GNAS: variants seen among roughly 807,000 people sequenced by gnomAD.
GNAS encodes the protein GNAS complex locus.
In GNAS, 8 loss-of-function variants were observed where a neutral mutation model predicts 54.5. That is an observed-to-expected ratio of 0.15 (90% CI 0.09 to 0.26). The LOEUF is 0.26. GNAS is among the 10% of genes least tolerant of loss of function. The pLI, the probability that GNAS is intolerant of heterozygous loss-of-function variation, is 1.00. For synonymous variants in GNAS, 204 were observed against 191.4 expected (o/e 1.07, Z -0.54); for missense variants, 170 against 529.8 (o/e 0.32, Z 6.67).
intron 1 of GNAS, among the ~76,000 whole-genome samples, chr20:58,865,881 C>A (rs1207685294): frequency 6.6e-6 from 1 of 152,200 alleles, no homozygotes; most frequent in African/African-American, 2.4e-5. Flanking sequence ...TAGGCTAAAT[C>A]AATGCTTAAA....
intron 3 of GNAS, 99 bp from the exon 4 acceptor site, chr20:58,903,432 C>A: frequency 9.9e-7 from 1 of 1,013,632 alleles, no homozygotes; most frequent in Non-Finnish European, 1.5e-6. Flanking sequence ...CCCTGAAGAA[C>A]AGAATACTAT....
chr20:58,873,105 A>G lies in GNAS; in HGVS notation c.44-22507A>G, dbSNP rs1367569238. On this transcript the variant is annotated intron_variant, in intron 1 of 12. Transcript: ENST00000306090. This position sits in a 1 kb window ranked among gnomAD's most constrained non-coding sequence, Gnocchi z 4.3. ...TGTGTTGCTAATTGATTTGAGCTAA[A>G]TTTGTGTTGCTTTGAGACTTAGCAA... Among the ~76,000 whole-genome samples, 2 of 152,174 alleles carry G rather than the reference A, an allele frequency of 1.3e-5. No individual in the cohort carries two copies. Among genetic ancestry groups the G allele is most frequent in the African/African-American group, 4.8e-5 (2 of 41,440 alleles).
At chr20:58,859,094 G>A (rs1212458325) in intron 1 of GNAS, among the ~76,000 whole-genome samples, 1 of 152,172 alleles carries the variant, frequency 6.6e-6, no homozygotes, top group Non-Finnish European at 1.5e-5. Context: ...AAAAAGAATT[G>A]GGGGTCATCC....
At chr20:58,895,210 A>C in intron 1 of GNAS, 1 of 321,324 alleles carries the variant, frequency 3.1e-6, no homozygotes, top group Non-Finnish European at 6.1e-6. Flanking sequence ...GTGTCTAGAT[A>C]TGTTTATGTG....
At chr20:58,861,851 A>G (rs1275018042) in intron 1 of GNAS, among the ~76,000 whole-genome samples, 1 of 149,548 alleles carries the variant, frequency 6.7e-6, no homozygotes, top group Non-Finnish European at 1.5e-5. Flanking sequence ...GATTACAGGC[A>G]TGCACTACCA....
intron 1 of GNAS, 47 bp downstream of exon 1, chr20:58,891,912 G>A: frequency 2.0e-6 from 2 of 976,862 alleles, no homozygotes; most frequent in South Asian, 4.3e-5. Flanking sequence ...GGCCCTCGAA[G>A]GGCGCCCCGC....
intron 1 of GNAS, among the ~76,000 whole-genome samples, chr20:58,869,887 G>A (rs1023749054): frequency 9.9e-5 from 15 of 152,160 alleles, no homozygotes; most frequent in Admixed American, 7.2e-4. Flanking sequence ...TTTAGGCCTC[G>A]TTTCCACGGG....
chr20:58,840,124 G>GT, upstream of GNAS: 1 of 1,611,440 alleles, frequency 6.2e-7, no homozygotes, highest in Non-Finnish European at 8.5e-7. The surrounding 1 kb of genome is among the most constrained non-coding windows in gnomAD (Gnocchi z 6.0). Flanking sequence ...GGAGGTCCCG[G>GT]GCTCAGCAGT....
Position 58,841,893 on chromosome 20 carries a change from A to G in GNAS, c.43+1007A>G, listed in dbSNP as rs2085744722. ...GTGGAAAGGTAAAGCGGAACAAGGGACAGGCTGGAGACGGGGGTCGCGTCT... is the reference window on the plus strand; with the variant it reads ...GTGGAAAGGTAAAGCGGAACAAGGGGCAGGCTGGAGACGGGGGTCGCGTCT... On this transcript the variant is annotated intron_variant, in intron 1 of 12. Coordinates refer to the GNAS transcript ENST00000306090. This position sits in a 1 kb window ranked among gnomAD's most constrained non-coding sequence, Gnocchi z 5.0. 2 of 1,231,240 alleles carry G rather than the reference A, an allele frequency of 1.6e-6. No individual in the cohort carries two copies. Among genetic ancestry groups the G allele is most frequent in the Non-Finnish European group, 2.0e-6 (2 of 987,758 alleles). 76.3% of individuals were successfully genotyped at this position (1,231,240 alleles called of 1,614,324 possible). A position where few individuals can be genotyped will look rare whatever the true frequency, so the allele number is the denominator to read the frequency against.
At chr20:58,886,648 C>T (rs377411223), upstream of GNAS, among the ~76,000 whole-genome samples, 1 of 149,868 alleles carries the variant, frequency 6.7e-6, no homozygotes, top group African/African-American at 2.5e-5. Flanking sequence ...GCCTCCAAAA[C>T]TAAAAGACTT....
intron 2 of GNAS, chr20:58,897,358 C>T (rs1047872767): frequency 6.6e-5 from 10 of 152,234 alleles, no homozygotes; most frequent in Admixed American, 2.0e-4. Flanking sequence ...AATTTTCCCC[C>T]TGCAACTTGC....
upstream of GNAS, chr20:58,839,948 C>T (rs2085656021): frequency 1.4e-6 from 1 of 707,770 alleles, no homozygotes; most frequent in African/African-American, 1.8e-5. Flanking sequence ...AAGGTAGGTG[C>T]TTCCCTTTTT....
At chr20:58,900,697 A>G (rs1315872714) in intron 3 of GNAS, among the ~76,000 whole-genome samples, 1 of 152,254 alleles carries the variant, frequency 6.6e-6, no homozygotes, top group African/African-American at 2.4e-5. Context: ...TGAGTAGTTT[A>G]AAGACATCTA....
chr20:58,902,725 CTT>C (rs60022134), intron 3 of GNAS, among the ~76,000 whole-genome samples: 117 of 69,470 alleles, frequency 1.7e-3, no homozygotes, highest in African/African-American at 6.6e-3. Flanking sequence ...GCACATACGA[CTT>C]TTTTTTTTTT....
At chr20:58,889,806 G>C (rs1177131530), upstream of GNAS, among the ~76,000 whole-genome samples, 1 of 151,350 alleles carries the variant, frequency 6.6e-6, no homozygotes, top group Admixed American at 6.6e-5. Context: ...ACGGGGGCCG[G>C]GCAGCCCGAG....
At chr20:58,851,328 C>G (rs551837496) in intron 1 of GNAS, among the ~76,000 whole-genome samples, 4 of 152,246 alleles carry the variant, frequency 2.6e-5, no homozygotes, top group Admixed American at 2.6e-4. Flanking sequence ...TCGCAACTTG[C>G]GGTGGTTCGC....
Position 58,909,097 on chromosome 20 carries a change from C to T in GNAS, c.531-65C>T. Reference sequence around the variant, plus strand: ...CGTTGAGCCTGACCTTGTAGAGAGACACAAATAGTTGGCAAATTGATGTGA... The same window carrying T: ...CGTTGAGCCTGACCTTGTAGAGAGATACAAATAGTTGGCAAATTGATGTGA... On this transcript the variant is annotated intron_variant, in intron 6 of 12. Transcript: ENST00000371085. The surrounding 1 kb of genome is among the most constrained non-coding windows in gnomAD (Gnocchi z 7.3). 7.3e-7 allele frequency: 1 copy of T among 1,371,842 alleles called. No homozygotes were observed. Among genetic ancestry groups the T allele is most frequent in the South Asian group, 1.2e-5 (1 of 86,178 alleles). The allele number at this position is 1,371,842 out of a possible 1,614,324, so 85.0% of individuals were successfully genotyped here.
intron 3 of GNAS, among the ~76,000 whole-genome samples, chr20:58,902,753 T>TG (rs1359915004): frequency 8.8e-5 from 11 of 125,130 alleles, no homozygotes; most frequent in Admixed American, 4.8e-4. Context: ...TTTTTTTTTT[T>TG]GACAGAGTCT....
At chr20:58,887,872 G>A (rs2088699697), upstream of GNAS, among the ~76,000 whole-genome samples, 1 of 152,076 alleles carries the variant, frequency 6.6e-6, no homozygotes, top group Non-Finnish European at 1.5e-5. Context: ...TACCTGAAGG[G>A]GCCAAGAAAA....
Sources: allele counts gnomAD v4.1 joint callset (sites outside exome capture counted in the v4.1 genomes callset), GRCh38; gene constraint gnomAD v4.1.1; non-coding constraint Gnocchi (gnomAD v3.1); transcripts MANE v1.5; gene names NCBI Gene and HGNC (gene_info 2026-07-23, HGNC 2026-07-21).